Variants in GOLT1B observed in about 807,000 individuals in gnomAD.
GOLT1B encodes vesicle transport protein GOT1B.
A neutral mutation model predicts 15.4 loss-of-function variants in GOLT1B; 3 were observed. The observed-to-expected ratio is 0.19, with a 90% CI of 0.09 to 0.50. The LOEUF (loss-of-function observed/expected upper bound fraction) is 0.50, where lower values mean the gene tolerates loss of function less well. GOLT1B is among the 20% of genes least tolerant of loss of function. GOLT1B has a pLI of 0.97. For synonymous variants in GOLT1B, 65 were observed against 56.2 expected (o/e 1.16, Z -0.70); for missense variants, 145 against 160.4 (o/e 0.90, Z 0.52).
Position 21,515,695 on chromosome 12 carries a change from CA to C in GOLT1B, c.407del (p.Asn136IlefsTer7). 1 of 1,358,716 alleles carries C rather than the reference CA, an allele frequency of 7.4e-7. No homozygotes were observed. Among genetic ancestry groups the C allele is most frequent in the South Asian group, 1.2e-5 (1 of 81,318 alleles). 84.2% of individuals were successfully genotyped at this position (1,358,716 alleles called of 1,614,324 possible). A position where few individuals can be genotyped will look rare whatever the true frequency, so the allele number is the denominator to read the frequency against. On this transcript the variant is annotated frameshift_variant, in exon 5 of 5. Transcript: ENST00000229314. LOFTEE classifies it high-confidence loss of function. ...TTGTAGATAAAGTTGGAGAAAGCAA[CA>C]ATATGGTATAACAACAAGTGAATTT... ...SFVDKVGESN[N>X]MV
At chr12:21,513,311 A>C (rs1036495745) in intron 4 of GOLT1B, among the ~76,000 whole-genome samples, 18 of 152,070 alleles carry the variant, frequency 1.2e-4, no homozygotes, top group African/African-American at 4.3e-4. Context: ...CATTCAACAA[A>C]TGTTTCGTAC....
In GOLT1B at chr12:21,515,727, C is replaced by G. The variant is rs1943751083; in HGVS notation, c.*20C>G. On this transcript the variant is annotated 3_prime_UTR_variant, in exon 5 of 5. Transcript: ENST00000229314. Reference sequence around the variant, plus strand: ...GTATAACAACAAGTGAATTTGAAGACTCATTTAAAATATTGTGTTATTTAT... The same window carrying G: ...GTATAACAACAAGTGAATTTGAAGAGTCATTTAAAATATTGTGTTATTTAT... 9.2e-7 allele frequency: 1 copy of G among 1,085,190 alleles called. No homozygotes were observed. Among genetic ancestry groups the G allele is most frequent in the South Asian group, 1.4e-5 (1 of 73,310 alleles). 67.2% of individuals were successfully genotyped at this position (1,085,190 alleles called of 1,614,324 possible). A position where few individuals can be genotyped will look rare whatever the true frequency, so the allele number is the denominator to read the frequency against.
At position 21,509,396 on chromosome 12, in the gene GOLT1B, CAAAAAAAAAAAAA is replaced by C. The variant is rs71053318; in HGVS notation, c.296+851_296+863del. On this transcript the variant is annotated intron_variant, in intron 3 of 4. Transcript: ENST00000229314. ...TAGGCAATAGAGCGAGACTCTGTCT[CAAAAAAAAAAAAA>C]AAAAAAAAAAAAAAACAGAAAAGAA... Among the ~76,000 whole-genome samples, 13 of 74,038 alleles carry C rather than the reference CAAAAAAAAAAAAA, an allele frequency of 1.8e-4. 1 individual carries two copies. Among genetic ancestry groups the C allele is most frequent in the South Asian group, 7.3e-4 (1 of 1,372 alleles). 48.6% of individuals were successfully genotyped at this position (74,038 alleles called of 152,430 possible).
At chr12:21,505,181 G>A (rs137989822) in intron 1 of GOLT1B, among the ~76,000 whole-genome samples, 97 of 152,188 alleles carry the variant, frequency 6.4e-4, no homozygotes, top group Non-Finnish European at 1.2e-3. Context: ...GGCCTAATTC[G>A]TGGTAAATTC....
At chr12:21,504,535 T>C (rs1236176907) in intron 1 of GOLT1B, 1 of 501,548 alleles carries the variant, frequency 2.0e-6, no homozygotes, top group South Asian at 1.5e-5. Flanking sequence ...TGTAGGACCA[T>C]TGTCTGTGGA....
chr12:21,502,044 G>C (rs1943632492), intron 1 of GOLT1B, 96 bp downstream of exon 1: 1 of 876,648 alleles, frequency 1.1e-6, no homozygotes. Flanking sequence ...TGAAGCTCTG[G>C]GTTGGGGGCG....
At chr12:21,510,787 T>C (rs568626964) in intron 3 of GOLT1B, among the ~76,000 whole-genome samples, 3 of 152,260 alleles carry the variant, frequency 2.0e-5, no homozygotes, top group Non-Finnish European at 4.4e-5. Flanking sequence ...CTGCTTTCTG[T>C]TTAATTCTTT....
rs1177324575 is a variant in GOLT1B at position 21,501,920 on chromosome 12, A to G, written c.-4A>G. 6.2e-7 allele frequency: 1 copy of G among 1,606,768 alleles called. No homozygotes were observed. The highest frequency in any genetic ancestry group is 8.5e-7 in the Non-Finnish European group (1 of 1,173,400). ...CTGTCGCCGCTGTCCCCACCACTGC[A>G]GCCATGATCTCCTTAACGGACACGC... On this transcript the variant is annotated 5_prime_UTR_variant, in exon 1 of 5. Coordinates refer to ENST00000229314, the MANE Select transcript of GOLT1B (RefSeq NM_016072.5).
intron 4 of GOLT1B, 112 bp from the exon 5 acceptor site, chr12:21,515,557 C>T (rs1482494011): frequency 2.5e-5 from 17 of 679,532 alleles, no homozygotes; most frequent in Admixed American, 2.2e-4. Flanking sequence ...CCTTAAATTT[C>T]CACAACTCTT....
At chr12:21,513,489 C>CTCTGTTTT (rs1433482191) in intron 4 of GOLT1B, among the ~76,000 whole-genome samples, 1 of 151,808 alleles carries the variant, frequency 6.6e-6, no homozygotes, top group Non-Finnish European at 1.5e-5. Context: ...TAGCATTTAC[C>CTCTGTTTT]TCTGTTTTTT....
chr12:21,501,819 G>C lies in GOLT1B; in HGVS notation c.-105G>C. 1.3e-6 allele frequency: 1 copy of C among 789,002 alleles called. No individual in the cohort carries two copies. The highest frequency in any genetic ancestry group is 2.0e-5 in the Admixed American group (1 of 49,230). 48.9% of individuals were successfully genotyped at this position (789,002 alleles called of 1,614,324 possible). A position where few individuals can be genotyped will look rare whatever the true frequency, so the allele number is the denominator to read the frequency against. ...GGGTGGCTGCGTGTTTCCGGAAGAC[G>C]TGGCGGCTCTCGCCTGGGCTGTTTC... On this transcript the variant is annotated 5_prime_UTR_variant, in exon 1 of 5. Coordinates refer to ENST00000229314, the MANE Select transcript of GOLT1B (RefSeq NM_016072.5).
chr12:21,507,419 A>G (rs191989371), intron 2 of GOLT1B: 2 of 213,748 alleles, frequency 9.4e-6, no homozygotes, highest in East Asian at 1.3e-4. Flanking sequence ...AAAGGGATCT[A>G]TGTTGTTTAT....
intron 4 of GOLT1B, 74 bp from the exon 5 acceptor site, chr12:21,515,595 C>T (rs1159720776): frequency 1.1e-5 from 9 of 796,888 alleles, no homozygotes; most frequent in African/African-American, 8.8e-5. Flanking sequence ...TTAAAATCAA[C>T]ATTTTAAATA....
In GOLT1B at chr12:21,518,397, A is replaced by G. The variant is rs1365657140; in HGVS notation, c.*2690A>G. 1 of 152,070 alleles carries G rather than the reference A, an allele frequency of 6.6e-6. No homozygotes were observed. The allele number at this position is 152,070 out of a possible 1,614,324, so 9.4% of individuals were successfully genotyped here. A position where few individuals can be genotyped will look rare whatever the true frequency, so the allele number is the denominator to read the frequency against. ...AGTCACTTACCTTGGGCAATATGCT[A>G]TTTTTTAAAAATCAGACTCCCAGTT... On this transcript the variant is annotated 3_prime_UTR_variant, in exon 5 of 5. Coordinates refer to ENST00000229314, the MANE Select transcript of GOLT1B (RefSeq NM_016072.5).
intron 3 of GOLT1B, among the ~76,000 whole-genome samples, chr12:21,510,682 A>G (rs1162449174): frequency 6.6e-6 from 1 of 152,206 alleles, no homozygotes; most frequent in Admixed American, 6.5e-5. Context: ...AAAATAAATG[A>G]TCTTTTGAAT....
chr12:21,508,446 C>A lies in GOLT1B; in HGVS notation c.181C>A (p.Gln61Lys). The A allele has an allele frequency of 1.3e-6, 2 of 1,595,080 alleles. No homozygotes were observed. Among genetic ancestry groups the A allele is most frequent in the South Asian group, 1.1e-5 (1 of 89,872 alleles). ...GLERTFRFFFQKHKMKATGFF... is the reference protein window; with the variant it reads ...GLERTFRFFFKKHKMKATGFF... The stretch of plus-strand genomic sequence containing the variant: ...AGAAAGAACATTCAGATTCTTCTTC[C>A]AAAAACATAAAATGAAAGCTACAGG... The change falls in exon 3 of 5, where the codon CAA becomes AAA. Residue 61 changes from glutamine to lysine, a missense_variant. Transcript: ENST00000229314.
At chr12:21,504,630 T>G in intron 1 of GOLT1B, 1 of 481,618 alleles carries the variant, frequency 2.1e-6, no homozygotes, top group Non-Finnish European at 4.1e-6. Context: ...TTTTTGCTGC[T>G]TCTATGATCA....
At chr12:21,514,046 C>T (rs1260730852) in intron 4 of GOLT1B, among the ~76,000 whole-genome samples, 1 of 152,196 alleles carries the variant, frequency 6.6e-6, no homozygotes, top group Non-Finnish European at 1.5e-5. Flanking sequence ...CTTAGCCTAC[C>T]TCCTCAGTTT....
At position 21,501,879 on chromosome 12, in the gene GOLT1B, TG is replaced by T; in HGVS notation, c.-42del. On this transcript the variant is annotated 5_prime_UTR_variant, in exon 1 of 5. Coordinates refer to ENST00000229314, the MANE Select transcript of GOLT1B (RefSeq NM_016072.5). ...TTTCTCCCGACTCAGCTTCCCACCCTGGGCTTTCCGAGGTGCTGTCGCCGCT... is the reference window on the plus strand; with the variant it reads ...TTTCTCCCGACTCAGCTTCCCACCCTGGCTTTCCGAGGTGCTGTCGCCGCT... The T allele has an allele frequency of 6.8e-7, 1 of 1,464,638 alleles. No homozygotes were observed. The highest frequency in any genetic ancestry group is 9.6e-7 in the Non-Finnish European group (1 of 1,043,880). 90.7% of individuals were successfully genotyped at this position (1,464,638 alleles called of 1,614,324 possible).
Sources: allele counts gnomAD v4.1 joint callset (sites outside exome capture counted in the v4.1 genomes callset), GRCh38; gene constraint gnomAD v4.1.1; transcripts MANE v1.5; gene names NCBI Gene and HGNC (gene_info 2026-07-23, HGNC 2026-07-21).